TAFA5: variants seen among roughly 807,000 people sequenced by gnomAD.
TAFA5 encodes TAFA chemokine like family member 5, also known as chemokine-like protein TAFA-5.
A neutral mutation model predicts 15.3 loss-of-function variants in TAFA5; 6 were observed. The ratio of observed to expected loss-of-function variants is 0.39; its 90% CI spans 0.21 to 0.77. The LOEUF (loss-of-function observed/expected upper bound fraction) is 0.77. TAFA5 is among the 30% of genes least tolerant of loss of function. TAFA5 has a pLI of 0.41. For synonymous variants in TAFA5, 103 were observed against 80.7 expected, an observed-to-expected ratio of 1.28 and a Z score of -1.48; for missense variants, 161 against 193.1, an observed-to-expected ratio of 0.83 and a Z score of 0.98.
intron 1 of TAFA5, among the ~76,000 whole-genome samples, chr22:48,620,488 A>G (rs1925761191): frequency 6.6e-6 from 1 of 151,982 alleles, no homozygotes; most frequent in Non-Finnish European, 1.5e-5. Flanking sequence ...CTGCCTCCTC[A>G]GAGAAGGGAA....
intron 2 of TAFA5, 25 bp downstream of exon 2, chr22:48,646,771 C>T (rs560228306): frequency 4.5e-6 from 7 of 1,547,790 alleles, no homozygotes; most frequent in Non-Finnish European, 6.1e-6. Context: ...CCCCAGGACC[C>T]CTCCGGGTGC....
At chr22:48,576,597 G>A (rs1198222153) in intron 1 of TAFA5, 4 of 1,420,600 alleles carry the variant, frequency 2.8e-6, no homozygotes, top group Middle Eastern at 1.9e-4. Context: ...CGCGCGGACC[G>A]GTCCTCCGCG....
In TAFA5 at chr22:48,711,424, A is replaced by C. The variant is rs554560134; in HGVS notation, c.390+3580A>C. ...TCCAGGGGACCGGGGTGGGCCCTGT[A>C]ATCTTCCCAGGTATCTCGGGAGAAG... On this transcript the variant is annotated intron_variant, in intron 3 of 3. Coordinates refer to ENST00000402357, the MANE Select transcript of TAFA5 (RefSeq NM_001082967.3). Among the ~76,000 whole-genome samples the C allele has an allele frequency of 1.4e-4, 21 of 151,650 alleles. No homozygotes were observed. In the East Asian group the frequency reaches 4.1e-3, roughly 30 times the overall value.
intron 1 of TAFA5, among the ~76,000 whole-genome samples, chr22:48,629,742 C>T (rs910983173): frequency 6.6e-6 from 1 of 152,234 alleles, no homozygotes; most frequent in Non-Finnish European, 1.5e-5. Flanking sequence ...CACATCACCA[C>T]TGCAGGAAAC....
intron 1 of TAFA5, among the ~76,000 whole-genome samples, chr22:48,578,450 G>A (rs933987853): frequency 2.6e-5 from 4 of 152,232 alleles, no homozygotes; most frequent in Admixed American, 2.6e-4. Flanking sequence ...AGATGGGAGG[G>A]TCTAGGTGTG....
intron 1 of TAFA5, chr22:48,544,785 C>T (rs1325286969): frequency 2.1e-6 from 1 of 471,152 alleles, no homozygotes; most frequent in Non-Finnish European, 4.4e-6. Context: ...CTGGCTGTTA[C>T]CACGATCTAG....
intron 1 of TAFA5, among the ~76,000 whole-genome samples, chr22:48,643,733 T>A (rs930205925): frequency 6.6e-6 from 1 of 152,178 alleles, no homozygotes; most frequent in Non-Finnish European, 1.5e-5. Flanking sequence ...CACCAGCTAC[T>A]GTAGGTGGAT....
chr22:48,545,685 G>A (rs540695251), intron 1 of TAFA5: 1 of 152,570 alleles, frequency 6.6e-6, no homozygotes, highest in African/African-American at 2.4e-5. Flanking sequence ...GCTCTAGGGT[G>A]TGGAGACAGC....
intron 1 of TAFA5, among the ~76,000 whole-genome samples, chr22:48,542,529 GGT>G (rs1922467388): frequency 2.2e-5 from 2 of 92,408 alleles, no homozygotes; most frequent in Non-Finnish European, 4.1e-5. Flanking sequence ...GTGCATGTGT[GGT>G]GTGTGGTGTG....
Position 48,489,640 on chromosome 22 carries a change from G to A in TAFA5, c.48G>A (p.Leu16=). ...GCAGCCGGCAAGATGCGACCGCCCTGCCCAGCATGTCCTCAACTTTCTGGG... is the reference window on the plus strand; with the variant it reads ...GCAGCCGGCAAGATGCGACCGCCCTACCCAGCATGTCCTCAACTTTCTGGG... ...RTGSRQDATA[L]PSMSSTFWAF... Residue 16 remains leucine, a synonymous_variant, in exon 1 of 4, where the codon CTG becomes CTA. Coordinates refer to ENST00000402357, the MANE Select transcript of TAFA5 (RefSeq NM_001082967.3). This position sits in a 1 kb window ranked among gnomAD's most constrained non-coding sequence, Gnocchi z 5.5. 6.5e-7 allele frequency: 1 copy of A among 1,527,382 alleles called. No individual in the cohort carries two copies. The allele number at this position is 1,527,382 out of a possible 1,614,324, so 94.6% of individuals were successfully genotyped here. A position where few individuals can be genotyped will look rare whatever the true frequency, so the allele number is the denominator to read the frequency against.
At chr22:48,627,623 C>T (rs1456345556) in intron 1 of TAFA5, among the ~76,000 whole-genome samples, 1 of 152,254 alleles carries the variant, frequency 6.6e-6, no homozygotes, top group Non-Finnish European at 1.5e-5. Flanking sequence ...GAAACTGCAG[C>T]CTCTGTCGTG....
intron 1 of TAFA5, among the ~76,000 whole-genome samples, chr22:48,584,074 A>G (rs1357827669): frequency 1.3e-5 from 2 of 148,494 alleles, no homozygotes; most frequent in African/African-American, 5.0e-5. Flanking sequence ...ACCAGACACC[A>G]CACACCACTC....
intron 3 of TAFA5, among the ~76,000 whole-genome samples, chr22:48,748,863 C>A (rs1350312928): frequency 6.6e-6 from 1 of 152,164 alleles, no homozygotes; most frequent in Non-Finnish European, 1.5e-5. Context: ...TGGGCAGGTG[C>A]CTGGAGGTGC....
At chr22:48,584,723 A>G (rs1175397210) in intron 1 of TAFA5, among the ~76,000 whole-genome samples, 1 of 148,702 alleles carries the variant, frequency 6.7e-6, no homozygotes, top group Non-Finnish European at 1.5e-5. Flanking sequence ...CACACACCCC[A>G]CACGCACCAT....
intron 2 of TAFA5, among the ~76,000 whole-genome samples, chr22:48,667,603 C>T (rs545962090): frequency 1.3e-5 from 2 of 152,278 alleles, no homozygotes; most frequent in Admixed American, 6.5e-5. Context: ...CTTGAGACTC[C>T]GCACTGCGTT....
chr22:48,681,331 C>G (rs1928177622), intron 2 of TAFA5, among the ~76,000 whole-genome samples: 2 of 152,128 alleles, frequency 1.3e-5, no homozygotes, highest in African/African-American at 4.8e-5. Context: ...ACGCTCTCCT[C>G]ATTTCAAATT....
intron 3 of TAFA5, among the ~76,000 whole-genome samples, chr22:48,743,248 C>T (rs1306581224): frequency 1.3e-5 from 2 of 152,224 alleles, no homozygotes; most frequent in African/African-American, 2.4e-5. Flanking sequence ...TCTGTGGTCA[C>T]GGTGTCTGCT....
intron 1 of TAFA5, among the ~76,000 whole-genome samples, chr22:48,581,401 A>C (rs1355363385): frequency 1.3e-5 from 2 of 152,314 alleles, no homozygotes; most frequent in East Asian, 3.9e-4. Flanking sequence ...TGCCGCCGGC[A>C]TCTGTGGAAA....
At chr22:48,549,987 C>G (rs906662299) in intron 1 of TAFA5, among the ~76,000 whole-genome samples, 1 of 152,222 alleles carries the variant, frequency 6.6e-6, no homozygotes, top group African/African-American at 2.4e-5. Flanking sequence ...TCCCTGAGGC[C>G]ACCCTGTCAG....
Sources: allele counts gnomAD v4.1 joint callset (sites outside exome capture counted in the v4.1 genomes callset), GRCh38; gene constraint gnomAD v4.1.1; non-coding constraint Gnocchi (gnomAD v3.1); transcripts MANE v1.5; gene names NCBI Gene and HGNC (gene_info 2026-07-23, HGNC 2026-07-21).